Variants in PHKA1 observed in about 807,000 individuals in gnomAD.
PHKA1 encodes phosphorylase b kinase regulatory subunit alpha, skeletal muscle isoform.
Under a neutral mutation model 110.2 loss-of-function variants are expected in PHKA1, and 60 were observed. The ratio of observed to expected loss-of-function variants is 0.54; its 90% CI spans 0.44 to 0.68. The LOEUF (loss-of-function observed/expected upper bound fraction) is 0.68. PHKA1 is among the 30% of genes least tolerant of loss of function. The pLI is 0.00. For synonymous variants in PHKA1, 316 were observed against 333.6 expected (o/e 0.95, Z 0.58); for missense variants, 801 against 942.5 (o/e 0.85, Z 1.97).
intron 18 of PHKA1, chrX:72,621,913 C>T: frequency 1.3e-6 from 1 of 751,040 alleles, no homozygotes; most frequent in Non-Finnish European, 1.6e-6. Context: ...GCCATAATGT[C>T]AAATTCAGTA....
chrX:72,700,971 C>A (rs1556329227), intron 3 of PHKA1, among the ~76,000 whole-genome samples: 2 of 112,384 alleles, frequency 1.8e-5, no homozygotes, highest in African/African-American at 6.5e-5. Flanking sequence ...CTACTGACAG[C>A]TTTTAACAAT....
intron 25 of PHKA1, 94 bp downstream of exon 25, chrX:72,605,176 TA>T: frequency 1.2e-6 from 1 of 858,806 alleles, no homozygotes; most frequent in Non-Finnish European, 1.7e-6. Context: ...GAGCTATGGA[TA>T]AAAATGTTTT....
chrX:72,603,176 T>G lies in PHKA1; in HGVS notation c.2860A>C (p.Met954Leu), dbSNP rs1556246052. ...EGLMNLSPSA[M>L]KNLLHHILSG... is the part of the protein sequence containing the mutation. ...AGAATGTGATGCAGGAGATTCTTCATGGCCGAAGGACTGAGATTCATCAGG... is the reference window on the plus strand; with the variant it reads ...AGAATGTGATGCAGGAGATTCTTCAGGGCCGAAGGACTGAGATTCATCAGG... The change falls in exon 26 of 32, where the codon ATG becomes CTG. Residue 954 changes from methionine to leucine, a missense_variant. Around this residue, in one of 2 missense-constraint regions of PHKA1, gnomAD observed 502 missense variants for 519.2 expected, o/e 0.97. Coordinates refer to ENST00000373542, the MANE Select transcript of PHKA1 (RefSeq NM_002637.4). 2 of 1,208,786 alleles carry G rather than the reference T, an allele frequency of 1.7e-6. No homozygotes were observed. Among genetic ancestry groups the G allele is most frequent in the Non-Finnish European group, 2.2e-6 (2 of 892,934 alleles).
intron 3 of PHKA1, among the ~76,000 whole-genome samples, chrX:72,698,190 A>G (rs80016962): frequency 5.8e-4 from 62 of 106,273 alleles, no homozygotes; most frequent in Non-Finnish European, 1.0e-3. Context: ...AAAATCTAAG[A>G]AAAAAAAAAG....
At chrX:72,664,424 T>C (rs183268279) in intron 8 of PHKA1, among the ~76,000 whole-genome samples, 1 of 111,831 alleles carries the variant, frequency 8.9e-6, no homozygotes, top group African/African-American at 3.2e-5. Flanking sequence ...CATTCAGATA[T>C]ATAAACCAAA....
chrX:72,667,437 C>A lies in PHKA1; in HGVS notation c.655G>T (p.Gly219Cys). ...ACTGATTGAGGCCCACCTTTCACAC[C>A]AAACAGATCCAGTTCATCTAATGCT... ...LEALDELDLF[G>C]VKGGPQSVIH... Residue 219 changes from glycine to cysteine, a missense_variant, in exon 7 of 32, where the codon GGT becomes TGT. By Grantham distance (159) the Gly-to-Cys change is radical. Coordinates refer to ENST00000373542, the MANE Select transcript of PHKA1 (RefSeq NM_002637.4). 1 of 1,210,272 alleles carries A rather than the reference C, an allele frequency of 8.3e-7. No individual in the cohort carries two copies. The highest frequency in any genetic ancestry group is 1.1e-6 in the Non-Finnish European group (1 of 894,246).
At chrX:72,594,231 T>C (rs1383093303) in intron 28 of PHKA1, among the ~76,000 whole-genome samples, 1 of 109,146 alleles carries the variant, frequency 9.2e-6, no homozygotes, top group Non-Finnish European at 1.9e-5. Context: ...AAACAAACTT[T>C]CCATTTGAAG....
At chrX:72,641,622 T>A (rs1034953736) in intron 14 of PHKA1, among the ~76,000 whole-genome samples, 12 of 111,470 alleles carry the variant, frequency 1.1e-4, no homozygotes, top group African/African-American at 3.6e-4. Flanking sequence ...ATAAAAAAAA[T>A]GTTTTGGAAC....
intron 6 of PHKA1, among the ~76,000 whole-genome samples, chrX:72,670,512 A>G (rs1375970805): frequency 3.6e-5 from 4 of 112,145 alleles, no homozygotes; most frequent in Non-Finnish European, 7.5e-5. Context: ...AGGTACAAAG[A>G]GGAGCTGGTA....
chrX:72,698,685 T>C (rs1271547961), intron 3 of PHKA1, among the ~76,000 whole-genome samples: 17 of 112,700 alleles, frequency 1.5e-4, no homozygotes, highest in African/African-American at 5.2e-4. Context: ...TAACTTCGAA[T>C]CTTGTGGCTT....
At position 72,601,927 on chromosome X, in the gene PHKA1, T is replaced by G. The variant is rs1448637496; in HGVS notation, c.3072+64A>C. ...TCTTATTTGTAAAAAGGCCATGAGC[T>G]CATGCATGTTATACAGAACTAAAGG... is the stretch of plus-strand genomic sequence containing the variant. On this transcript the variant is annotated intron_variant, in intron 28 of 31. Coordinates refer to ENST00000373542, the MANE Select transcript of PHKA1 (RefSeq NM_002637.4). 1.2e-5 allele frequency: 10 copies of G among 802,896 alleles called. No homozygotes were observed. In the African/African-American group the frequency reaches 2.0e-4, roughly 16 times the overall value. 66.2% of individuals were successfully genotyped at this position (802,896 alleles called of 1,213,427 possible). A position where few individuals can be genotyped will look rare whatever the true frequency, so the allele number is the denominator to read the frequency against.
chrX:72,599,779 A>G, intron 28 of PHKA1: 1 of 524,534 alleles, frequency 1.9e-6, no homozygotes, highest in Non-Finnish European at 3.5e-6. Context: ...TTCAAAGCAC[A>G]TGTGAATGGC....
intron 16 of PHKA1, 130 bp from the exon 17 acceptor site, chrX:72,627,179 T>C: frequency 1.9e-6 from 1 of 526,164 alleles, no homozygotes; most frequent in South Asian, 2.7e-5. Context: ...TTGACCATCC[T>C]GATTTTAACA....
chrX:72,680,624 C>T (rs1176240800), intron 5 of PHKA1, among the ~76,000 whole-genome samples: 5 of 85,885 alleles, frequency 5.8e-5, no homozygotes, highest in Admixed American at 3.5e-4. Context: ...ATGGTGGCCG[C>T]GGCTGGTGGT....
intron 4 of PHKA1, among the ~76,000 whole-genome samples, chrX:72,694,547 A>T (rs368033073): frequency 8.9e-6 from 1 of 112,067 alleles, no homozygotes; most frequent in Non-Finnish European, 1.9e-5. Context: ...TCAAATTTCC[A>T]TGTTATATTC....
At chrX:72,659,093 G>C (rs1189306330) in intron 8 of PHKA1, among the ~76,000 whole-genome samples, 2 of 111,351 alleles carry the variant, frequency 1.8e-5, no homozygotes, top group African/African-American at 3.3e-5. Flanking sequence ...TCTCCTATTA[G>C]GGAGATCTGT....
At chrX:72,586,949 C>T (rs782103080) in intron 29 of PHKA1, among the ~76,000 whole-genome samples, 1 of 111,154 alleles carries the variant, frequency 9.0e-6, no homozygotes, top group South Asian at 3.8e-4. Context: ...ACCAAACGTA[C>T]GTCTGATTGG....
In PHKA1 at chrX:72,593,275, C is replaced by T. The variant is rs1329603236; in HGVS notation, c.3073-1G>A. On this transcript the variant is annotated splice_acceptor_variant, in intron 28 of 31. Coordinates refer to ENST00000373542, the MANE Select transcript of PHKA1 (RefSeq NM_002637.4). LOFTEE classifies it high-confidence loss of function. ...TTGGAGTCATAGAGGTTCCAGGTGA[C>T]TTGGAAGAGGAGAGGAAAGAACATA... The T allele has an allele frequency of 8.5e-7, 1 of 1,182,278 alleles. No individual in the cohort carries two copies. The highest frequency in any genetic ancestry group is 2.2e-5 in the Admixed American group (1 of 45,673).
intron 3 of PHKA1, among the ~76,000 whole-genome samples, chrX:72,702,404 C>T (rs1240280602): frequency 9.1e-6 from 1 of 109,664 alleles, no homozygotes; most frequent in African/African-American, 3.3e-5. Flanking sequence ...GAGCCGAGAT[C>T]ACACCACTGC....
Sources: allele counts gnomAD v4.1 joint callset (sites outside exome capture counted in the v4.1 genomes callset), GRCh38; gene constraint gnomAD v4.1.1; regional missense constraint gnomAD v4.1.1; transcripts MANE v1.5; gene names NCBI Gene and HGNC (gene_info 2026-07-23, HGNC 2026-07-21).